Variants in ZHX2 observed in about 807,000 individuals in gnomAD.
The protein encoded by ZHX2 is zinc fingers and homeoboxes protein 2.
ZHX2 carries 6 observed loss-of-function variants against 21.9 expected under a neutral mutation model. The observed-to-expected ratio is 0.27, with a 90% CI of 0.15 to 0.54. The LOEUF (loss-of-function observed/expected upper bound fraction) is 0.54. Among genes scored for constraint, ZHX2 ranks in the 20% least tolerant of loss-of-function variants. ZHX2 has a pLI of 0.95. For missense variants in ZHX2, 908 were observed against 1,090.7 expected, an observed-to-expected ratio of 0.83 and a Z score of 2.36; for synonymous variants, 434 against 437.1, an observed-to-expected ratio of 0.99 and a Z score of 0.09.
At chr8:122,803,772 A>T (rs1165197383) in intron 1 of ZHX2, among the ~76,000 whole-genome samples, 1 of 152,136 alleles carries the variant, frequency 6.6e-6, no homozygotes, top group African/African-American at 2.4e-5. Context: ...CTGGCAGCTC[A>T]TTATCCTCAC....
intron 2 of ZHX2, among the ~76,000 whole-genome samples, chr8:122,939,841 G>T (rs1216106911): frequency 2.0e-5 from 3 of 152,184 alleles, no homozygotes; most frequent in African/African-American, 7.2e-5. Flanking sequence ...GCCACTGAAA[G>T]GCGCTGTAGA....
At chr8:122,787,957 A>G (rs1314958911) in intron 1 of ZHX2, among the ~76,000 whole-genome samples, 3 of 152,298 alleles carry the variant, frequency 2.0e-5, no homozygotes, top group East Asian at 3.9e-4. Flanking sequence ...ACACTCAAGA[A>G]AAACACTCCT....
intron 1 of ZHX2, among the ~76,000 whole-genome samples, chr8:122,830,430 G>T (rs1818350934): frequency 6.6e-6 from 1 of 152,170 alleles, no homozygotes; most frequent in Non-Finnish European, 1.5e-5. Context: ...GCCCCGGGGA[G>T]AATCTTACAT....
At position 122,961,845 on chromosome 8, in the gene ZHX2, C is replaced by G. The variant is rs563351626; in HGVS notation, c.*4+7817C>G. Among the ~76,000 whole-genome samples the G allele has an allele frequency of 2.0e-5, 3 of 152,290 alleles. No homozygotes were observed. The East Asian group carries it at 5.8e-4, about 29-fold the overall frequency. The stretch of plus-strand genomic sequence containing the variant: ...GACACAAAGCCTAACAATATCACCC[C>G]TAGAGCAGGGTTCTAGCATTAGTAC... On this transcript the variant is annotated intron_variant, in intron 3 of 3. Transcript: ENST00000314393.
chr8:122,790,873 G>T (rs187876091), intron 1 of ZHX2, among the ~76,000 whole-genome samples: 43 of 152,318 alleles, frequency 2.8e-4, no homozygotes, highest in African/African-American at 9.4e-4. Context: ...CTCACAAAGT[G>T]CTGGGATTAC....
intron 2 of ZHX2, among the ~76,000 whole-genome samples, chr8:122,932,979 A>T (rs894728523): frequency 1.3e-5 from 2 of 152,190 alleles, no homozygotes; most frequent in Non-Finnish European, 2.9e-5. Flanking sequence ...AGAGAATAAG[A>T]GTAAACCTTC....
At chr8:122,830,424 C>T (rs188069976) in intron 1 of ZHX2, among the ~76,000 whole-genome samples, 2 of 152,010 alleles carry the variant, frequency 1.3e-5, no homozygotes, top group Admixed American at 6.5e-5. Flanking sequence ...TTTCAGGCCC[C>T]GGGGAGAATC....
chr8:122,808,062 T>C lies in ZHX2; in HGVS notation c.-283+26116T>C, dbSNP rs1282392706. On this transcript the variant is annotated intron_variant, in intron 1 of 3. Coordinates refer to ENST00000314393, the MANE Select transcript of ZHX2 (RefSeq NM_014943.5). Reference sequence around the variant, plus strand: ...CTAACTCTGAACCATCCCGTCACCTTGGGCAGGTCACTTACCTTTTTTCAG... The same window carrying C: ...CTAACTCTGAACCATCCCGTCACCTCGGGCAGGTCACTTACCTTTTTTCAG... 2.0e-5 allele frequency among the ~76,000 whole-genome samples: 3 copies of C among 152,224 alleles called. No individual in the cohort carries two copies. The South Asian group carries it at 6.2e-4, about 32-fold the overall frequency.
chr8:122,811,342 C>T (rs976805862), intron 1 of ZHX2, among the ~76,000 whole-genome samples: 3 of 152,204 alleles, frequency 2.0e-5, no homozygotes, highest in South Asian at 2.1e-4. Context: ...GACTGCACCA[C>T]TGCACTCCAG....
At chr8:122,886,987 G>T (rs1313161319) in intron 2 of ZHX2, among the ~76,000 whole-genome samples, 1 of 151,008 alleles carries the variant, frequency 6.6e-6, no homozygotes, top group Non-Finnish European at 1.5e-5. Context: ...AGCATCAGAG[G>T]CAGAATTTGA....
rs141456875 is a variant in ZHX2 at position 122,953,304 on chromosome 8, C to T, written c.1794C>T (p.Gly598=). The change falls in exon 3 of 4, where the codon GGC becomes GGT. Residue 598 remains glycine, a synonymous_variant. Coordinates refer to ENST00000314393, the MANE Select transcript of ZHX2 (RefSeq NM_014943.5). The surrounding 1 kb of genome is among the most constrained non-coding windows in gnomAD (Gnocchi z 4.6). The part of the protein sequence containing the change: ...EQAVLDSMGS[G]KKGQDVGAPN... ...CTGTCTTGGATTCCATGGGGTCTGG[C>T]AAAAAAGGCCAAGATGTGGGAGCCC... The T allele has an allele frequency of 1.2e-6, 2 of 1,613,840 alleles. No individual in the cohort carries two copies. Among genetic ancestry groups the T allele is most frequent in the African/African-American group, 2.7e-5 (2 of 74,876 alleles).
At chr8:122,835,449 C>A (rs1034809460) in intron 1 of ZHX2, among the ~76,000 whole-genome samples, 11 of 151,952 alleles carry the variant, frequency 7.2e-5, no homozygotes, top group African/African-American at 2.7e-4. Context: ...CAGGAGAGGG[C>A]GGTGGGGGAG....
At position 122,953,269 on chromosome 8, in the gene ZHX2, A is replaced by G; in HGVS notation, c.1759A>G (p.Met587Val). 1.2e-6 allele frequency: 2 copies of G among 1,614,124 alleles called. No individual in the cohort carries two copies. The highest frequency in any genetic ancestry group is 2.2e-5 in the South Asian group (2 of 91,080). Reference protein sequence around the residue: ...FSERRKLRDSMEQAVLDSMGS... With the variant: ...FSERRKLRDSVEQAVLDSMGS... ...GGAGAGGCGGAAGCTTCGAGACAGC[A>G]TGGAACAAGCTGTCTTGGATTCCAT... Residue 587 changes from methionine to valine, a missense_variant, in exon 3 of 4, where the codon ATG becomes GTG. Physicochemically the swap from Met to Val is conservative, Grantham distance 21. Around this residue, in one of 4 missense-constraint regions of ZHX2, gnomAD observed 431 missense variants for 428.6 expected, o/e 1.01. Transcript: ENST00000314393. This position sits in a 1 kb window ranked among gnomAD's most constrained non-coding sequence, Gnocchi z 4.6.
chr8:122,872,427 A>G (rs1371006253), intron 2 of ZHX2, among the ~76,000 whole-genome samples: 1 of 152,212 alleles, frequency 6.6e-6, no homozygotes, highest in Non-Finnish European at 1.5e-5. Flanking sequence ...GGCCCCATTC[A>G]ATAGCATAAG....
intron 2 of ZHX2, among the ~76,000 whole-genome samples, chr8:122,932,083 C>T (rs112352178): frequency 0.015 from 2,351 of 152,266 alleles, 56 homozygotes; most frequent in African/African-American, 0.054. Context: ...CAGATCTTGG[C>T]CTTGTGAATC....
At chr8:122,921,367 A>G (rs1322565632) in intron 2 of ZHX2, among the ~76,000 whole-genome samples, 1 of 152,058 alleles carries the variant, frequency 6.6e-6, no homozygotes, top group African/African-American at 2.4e-5. Flanking sequence ...TACAGGCATG[A>G]CCTACCGTGC....
intron 1 of ZHX2, among the ~76,000 whole-genome samples, chr8:122,825,619 C>G (rs1317933623): frequency 1.3e-5 from 2 of 152,160 alleles, no homozygotes; most frequent in African/African-American, 2.4e-5. Flanking sequence ...CTCTGTCAAC[C>G]AGGGGCTCAG....
chr8:122,830,355 A>G (rs918023957), intron 1 of ZHX2, among the ~76,000 whole-genome samples: 2 of 152,178 alleles, frequency 1.3e-5, no homozygotes, highest in Admixed American at 1.3e-4. Flanking sequence ...TGCTGGCACA[A>G]GTAGCCTTGC....
At chr8:122,785,156 C>T (rs1387707846) in intron 1 of ZHX2, among the ~76,000 whole-genome samples, 1 of 152,192 alleles carries the variant, frequency 6.6e-6, no homozygotes, top group African/African-American at 2.4e-5. Context: ...AGAGGATCTC[C>T]TAGAGGTGGG....
Sources: gnomAD v4.1 joint callset for allele counts (sites outside exome capture counted in the v4.1 genomes callset) on GRCh38, gnomAD v4.1.1 for gene constraint, gnomAD v4.1.1 regional missense constraint, Gnocchi (gnomAD v3.1) non-coding constraint, MANE v1.5 for transcripts, NCBI Gene and HGNC (gene_info 2026-07-23, HGNC 2026-07-21) for gene names.